NOP58: variants seen among roughly 807,000 people sequenced by gnomAD.
The protein encoded by NOP58 is nucleolar protein 58.
NOP58 carries 44 observed loss-of-function variants against 71.2 expected under a neutral mutation model. That is an observed-to-expected ratio of 0.62 (90% CI 0.49 to 0.79). The LOEUF (loss-of-function observed/expected upper bound fraction) is 0.79. NOP58 is among the 30% of genes least tolerant of loss of function. The pLI is 0.00. For synonymous variants in NOP58, 228 were observed against 200.3 expected (o/e 1.14, Z -1.17); for missense variants, 538 against 620.2 (o/e 0.87, Z 1.41).
intron 3 of NOP58, among the ~76,000 whole-genome samples, chr2:202,281,504 A>C (rs1688703853): frequency 6.6e-6 from 1 of 152,068 alleles, no homozygotes; most frequent in Admixed American, 6.6e-5. Context: ...CAGCGGCATG[A>C]TCATGACTCA....
At chr2:202,277,805 A>G in intron 2 of NOP58, 145 bp from the exon 3 acceptor site, 1 of 581,488 alleles carries the variant, frequency 1.7e-6, no homozygotes, top group South Asian at 2.3e-5. Flanking sequence ...AGAATATCTA[A>G]CTTCACACCC....
At chr2:202,275,071 C>T in intron 1 of NOP58, 42 bp from the exon 2 acceptor site, 2 of 982,640 alleles carry the variant, frequency 2.0e-6, no homozygotes, top group Non-Finnish European at 3.2e-6. Flanking sequence ...ATATGCCTCA[C>T]CTGTACCATT....
intron 2 of NOP58, among the ~76,000 whole-genome samples, chr2:202,277,465 G>C (rs1052919678): frequency 8.6e-5 from 13 of 151,114 alleles, no homozygotes; most frequent in Non-Finnish European, 1.5e-4. Flanking sequence ...GTGACAGTGA[G>C]ATTCTGTCTC....
chr2:202,282,293 A>G (rs545659887), intron 3 of NOP58, 58 bp from the exon 4 acceptor site: 20 of 1,492,600 alleles, frequency 1.3e-5, no homozygotes, highest in South Asian at 2.5e-5. Flanking sequence ...AACTAGGGCA[A>G]GGTCTCAAAG....
intron 1 of NOP58, among the ~76,000 whole-genome samples, chr2:202,271,563 C>T (rs995817766): frequency 5.3e-5 from 8 of 151,344 alleles, no homozygotes; most frequent in Non-Finnish European, 7.4e-5. Flanking sequence ...CGCAAGACTC[C>T]GTCTCAAAAA....
Position 202,292,965 on chromosome 2 carries a change from G to A in NOP58, c.907+62G>A. The A allele has an allele frequency of 1.9e-6, 3 of 1,582,600 alleles. No individual in the cohort carries two copies. The Admixed American group carries it at 5.0e-5, about 26-fold the overall frequency. ...TGAAGTATTTTCTGGTTAGGATTTT[G>A]TTTACATCTTTAAACTACAGCTGTT... is the stretch of plus-strand genomic sequence containing the variant. On this transcript the variant is annotated intron_variant, in intron 9 of 14. Coordinates refer to ENST00000264279, the MANE Select transcript of NOP58 (RefSeq NM_015934.5).
In NOP58 at chr2:202,284,474, G is replaced by T; in HGVS notation, c.427G>T (p.Ala143Ser). ...AATGGCAGCTATGTGTCTTGGATTG[G>T]CTCACAGGTGAGAATTACTGGAAAA... Reference protein sequence around the residue: ...REMAAMCLGLAHSLSRYRLKF... With the variant: ...REMAAMCLGLSHSLSRYRLKF... The change falls in exon 5 of 15, where the codon GCT becomes TCT. Residue 143 changes from alanine to serine, a missense_variant. By Grantham distance (99) the Ala-to-Ser change is moderately conservative. Transcript: ENST00000264279. 6.2e-7 allele frequency: 1 copy of T among 1,611,398 alleles called. No individual in the cohort carries two copies. The highest frequency in any genetic ancestry group is 8.5e-7 in the Non-Finnish European group (1 of 1,179,326).
rs750002771 is a variant in NOP58 at position 202,300,376 on chromosome 2, G to A, written c.1402+9G>A. The A allele has an allele frequency of 7.6e-6, 12 of 1,572,946 alleles. No individual in the cohort carries two copies. In the South Asian group the frequency reaches 1.2e-4, roughly 16 times the overall value. On this transcript the variant is annotated intron_variant, in intron 13 of 14. Transcript: ENST00000264279. ...CAAGATTAAAGTTAAAGGTTAGTTTGAATTTTTTTTTTAACACAACTTATA... is the reference window on the plus strand; with the variant it reads ...CAAGATTAAAGTTAAAGGTTAGTTTAAATTTTTTTTTTAACACAACTTATA...
chr2:202,276,359 G>C, intron 2 of NOP58: 1 of 288,696 alleles, frequency 3.5e-6, no homozygotes, highest in Non-Finnish European at 7.4e-6. Context: ...AAAAAAAGAT[G>C]ACACTGTTTT....
At position 202,297,453 on chromosome 2, in the gene NOP58, A is replaced by G. The variant is rs1253422373; in HGVS notation, c.1146A>G (p.Ala382=). The G allele has an allele frequency of 1.9e-6, 3 of 1,613,934 alleles. No homozygotes were observed. The highest frequency in any genetic ancestry group is 1.7e-5 in the Admixed American group (1 of 60,004). The change falls in exon 11 of 15, where the codon GCA becomes GCG. Residue 382 remains alanine (A), a synonymous_variant. Transcript: ENST00000264279. The stretch of plus-strand genomic sequence containing the variant: ...CTTTTGGTGAGGATTCAAGTTCTGC[A>G]ATGGGAGTTGAGAACAGAGCCAAAT... ...YDAFGEDSSS[A]MGVENRAKLE...
chr2:202,300,389 A>T (rs780106611), intron 13 of NOP58, 22 bp downstream of exon 13: 4 of 1,552,372 alleles, frequency 2.6e-6, no homozygotes, highest in Non-Finnish European at 3.5e-6. Context: ...TTTTTTTTTT[A>T]ACACAACTTA....
chr2:202,283,753 A>T (rs540616063), intron 4 of NOP58, among the ~76,000 whole-genome samples: 1 of 152,126 alleles, frequency 6.6e-6, no homozygotes, highest in East Asian at 1.9e-4. Flanking sequence ...CTGTAATTTT[A>T]AAAAGAAGCT....
At chr2:202,268,613 T>G (rs564332534) in intron 1 of NOP58, among the ~76,000 whole-genome samples, 34 of 151,664 alleles carry the variant, frequency 2.2e-4, no homozygotes, top group Non-Finnish European at 4.0e-4. Flanking sequence ...AAGTTTTTTG[T>G]TTTTTTGTTT....
At chr2:202,275,852 A>G (rs1688581117) in intron 2 of NOP58, among the ~76,000 whole-genome samples, 1 of 152,114 alleles carries the variant, frequency 6.6e-6, no homozygotes, top group Non-Finnish European at 1.5e-5. Flanking sequence ...TATTTTTAGT[A>G]GAGACAGGGT....
Position 202,303,368 on chromosome 2 carries a change from C to A in NOP58, c.1540-18C>A. 6.2e-7 allele frequency: 1 copy of A among 1,611,032 alleles called. No homozygotes were observed. Among genetic ancestry groups the A allele is most frequent in the South Asian group, 1.1e-5 (1 of 90,598 alleles). On this transcript the variant is annotated intron_variant, in intron 14 of 14. Transcript: ENST00000264279. ...ACAATTTCAGCTCTTTCAAAGCATTCTTGTTGGCTATTTTCAGAGTCCAGA... is the reference window on the plus strand; with the variant it reads ...ACAATTTCAGCTCTTTCAAAGCATTATTGTTGGCTATTTTCAGAGTCCAGA...
intron 8 of NOP58, among the ~76,000 whole-genome samples, chr2:202,291,573 G>A (rs187699547): frequency 2.6e-5 from 4 of 152,064 alleles, no homozygotes; most frequent in Non-Finnish European, 5.9e-5. Flanking sequence ...TTGGAAGGCC[G>A]AGTCAGGGAT....
Position 202,282,578 on chromosome 2 carries a change from A to G in NOP58, c.297+106A>G, listed in dbSNP as rs1374823572. On this transcript the variant is annotated intron_variant, in intron 4 of 14. Transcript: ENST00000264279. The stretch of plus-strand genomic sequence containing the variant: ...GTTGCTTATCATAAATTCTCAATAC[A>G]TTTTTTTCTTTTCTCTAAGCTACAT... 6.8e-6 allele frequency: 8 copies of G among 1,183,192 alleles called. No individual in the cohort carries two copies. The Admixed American group carries it at 2.2e-4, about 32-fold the overall frequency. The allele number at this position is 1,183,192 out of a possible 1,614,324, so 73.3% of individuals were successfully genotyped here. A position where few individuals can be genotyped will look rare whatever the true frequency, so the allele number is the denominator to read the frequency against.
At chr2:202,272,952 G>T (rs1474099185) in intron 1 of NOP58, among the ~76,000 whole-genome samples, 1 of 152,098 alleles carries the variant, frequency 6.6e-6, no homozygotes, top group African/African-American at 2.4e-5. Context: ...GGCTAACACG[G>T]TGAAACCCCA....
rs982054947 is a variant in NOP58 at position 202,272,238 on chromosome 2, G to A, written c.46-2875G>A. Among the ~76,000 whole-genome samples the A allele has an allele frequency of 1.0e-4, 14 of 138,326 alleles. No individual in the cohort carries two copies. In the Admixed American group the frequency reaches 1.2e-3, roughly 12 times the overall value. 90.7% of individuals were successfully genotyped at this position (138,326 alleles called of 152,430 possible). A position where few individuals can be genotyped will look rare whatever the true frequency, so the allele number is the denominator to read the frequency against. On this transcript the variant is annotated intron_variant, in intron 1 of 14. Coordinates refer to ENST00000264279, the MANE Select transcript of NOP58 (RefSeq NM_015934.5). ...GCGATCTCAGCTCACTGCAGGCTCC[G>A]CCCCCTGGGGTTCACGCCATTCTGT...
Sources: gnomAD v4.1 joint callset for allele counts (sites outside exome capture counted in the v4.1 genomes callset) on GRCh38, gnomAD v4.1.1 for gene constraint, MANE v1.5 for transcripts, NCBI Gene and HGNC (gene_info 2026-07-23, HGNC 2026-07-21) for gene names.